The following HERC2 variants were observed in gnomAD, a reference collection of about 807,000 sequenced individuals.
HERC2 encodes the protein E3 ubiquitin-protein ligase HERC2.
A neutral mutation model predicts 537.7 loss-of-function variants in HERC2; 102 were observed. The observed-to-expected ratio is 0.19, with a 90% CI of 0.16 to 0.22. The LOEUF is 0.22. HERC2 is among the 10% of genes least tolerant of loss of function. The probability of loss-of-function intolerance (pLI) is 1.00; values close to 1 mark genes in which losing one functional copy is unlikely to be tolerated. For missense variants in HERC2, 4,236 were observed against 6,198.2 expected, an observed-to-expected ratio of 0.68 and a Z score of 10.63; for synonymous variants, 2,224 against 2,466.2, an observed-to-expected ratio of 0.90 and a Z score of 2.91.
intron 4 of HERC2, among the ~76,000 whole-genome samples, chr15:28,287,561 T>G (rs994845137): frequency 6.6e-6 from 1 of 152,122 alleles, no homozygotes; most frequent in African/African-American, 2.4e-5. Flanking sequence ...ACAACAGATT[T>G]TTAAAATCAC....
At chr15:28,222,518 ATT>A (rs1426172756) in intron 35 of HERC2, among the ~76,000 whole-genome samples, 8 of 152,370 alleles carry the variant, frequency 5.3e-5, no homozygotes, top group African/African-American at 1.9e-4. Context: ...TTAGAAAGAT[ATT>A]CATCATATTT....
chr15:28,191,223 A>G lies in HERC2; in HGVS notation c.8473T>C (p.Phe2825Leu). The change falls in exon 54 of 93, where the codon TTC becomes CTC. Residue 2825 changes from phenylalanine to leucine, a missense_variant. Physicochemically the swap from Phe to Leu is conservative, Grantham distance 22. Coordinates refer to ENST00000261609, the MANE Select transcript of HERC2 (RefSeq NM_004667.6). ...QGKHWIRLEIFPDVLVHRLKM... is the reference protein window; with the variant it reads ...QGKHWIRLEILPDVLVHRLKM... ...AATCTATGAACAAGAACATCTGGGA[A>G]AATCTCCAAACGAATCCAGTGCTTT... is the stretch of plus-strand genomic sequence containing the variant. The G allele has an allele frequency of 6.2e-7, 1 of 1,612,976 alleles. No individual in the cohort carries two copies. The highest frequency in any genetic ancestry group is 1.1e-5 in the South Asian group (1 of 90,644).
intron 65 of HERC2, among the ~76,000 whole-genome samples, chr15:28,173,827 A>G (rs1463465589): frequency 2.0e-5 from 3 of 151,082 alleles, no homozygotes; most frequent in African/African-American, 4.9e-5. Flanking sequence ...AACAACAACA[A>G]TAACAAAAAG....
In HERC2 at chr15:28,146,273, T is replaced by C. The variant is rs1053256474; in HGVS notation, c.10972A>G (p.Met3658Val). The C allele has an allele frequency of 6.2e-7, 1 of 1,614,042 alleles. No individual in the cohort carries two copies. The highest frequency in any genetic ancestry group is 1.3e-5 in the African/African-American group (1 of 74,998). ...TERRHDPLTV[M>V]DGVNRIVSVR... ...GAGACGATCCTGTTGACGCCGTCCATGACTGTGAGAGGGTCGTGGCGCCTC... is the reference window on the plus strand; with the variant it reads ...GAGACGATCCTGTTGACGCCGTCCACGACTGTGAGAGGGTCGTGGCGCCTC... Residue 3658 changes from methionine to valine, a missense_variant, in exon 71 of 93, where the codon ATG becomes GTG. This residue lies in a region of HERC2 where 356 missense variants were observed against 450.9 expected (regional missense o/e 0.79). Coordinates refer to ENST00000261609, the MANE Select transcript of HERC2 (RefSeq NM_004667.6).
At chr15:28,163,921 C>G (rs1237030144) in intron 68 of HERC2, among the ~76,000 whole-genome samples, 1 of 152,202 alleles carries the variant, frequency 6.6e-6, no homozygotes, top group African/African-American at 2.4e-5. Flanking sequence ...CAATTCCCAG[C>G]ATCACTGCAC....
At chr15:28,291,776 A>C (rs749999715) in intron 4 of HERC2, among the ~76,000 whole-genome samples, 28 of 151,974 alleles carry the variant, frequency 1.8e-4, no homozygotes, top group Non-Finnish European at 3.5e-4. Context: ...GTGGTGGTGC[A>C]CGCCTGTAGT....
intron 71 of HERC2, among the ~76,000 whole-genome samples, chr15:28,145,871 C>A (rs760929122): frequency 2.0e-5 from 3 of 152,208 alleles, no homozygotes; most frequent in Non-Finnish European, 4.4e-5. Flanking sequence ...AGTCACTCCA[C>A]ACATGGCCAT....
intron 26 of HERC2, among the ~76,000 whole-genome samples, chr15:28,234,997 G>A (rs937304725): frequency 2.0e-5 from 3 of 152,026 alleles, no homozygotes; most frequent in Admixed American, 6.6e-5. Context: ...TGTGCGTGGT[G>A]CAAGGCATGG....
At chr15:28,290,007 G>A (rs912867365) in intron 4 of HERC2, among the ~76,000 whole-genome samples, 8 of 152,238 alleles carry the variant, frequency 5.3e-5, no homozygotes, top group Non-Finnish European at 8.8e-5. Context: ...TCTCTCAGGC[G>A]GGGTTCAAAG....
chr15:28,150,451 G>A (rs1892321154), intron 70 of HERC2, among the ~76,000 whole-genome samples: 1 of 144,980 alleles, frequency 6.9e-6, no homozygotes, highest in African/African-American at 2.6e-5. Flanking sequence ...ACGGCCACAC[G>A]AACGTACATT....
intron 20 of HERC2, among the ~76,000 whole-genome samples, chr15:28,252,062 A>T (rs535482584): frequency 1.4e-4 from 22 of 152,312 alleles, no homozygotes; most frequent in Middle Eastern, 6.8e-3. Context: ...TGGCCAAGTG[A>T]TTCTAAACAT....
At chr15:28,216,192 A>G (rs549052042) in intron 38 of HERC2, among the ~76,000 whole-genome samples, 2 of 152,284 alleles carry the variant, frequency 1.3e-5, no homozygotes, top group East Asian at 3.9e-4. Context: ...TTTCTAGGCA[A>G]TAGGAAAACC....
At chr15:28,232,201 A>G (rs1686014157) in intron 30 of HERC2, among the ~76,000 whole-genome samples, 1 of 152,210 alleles carries the variant, frequency 6.6e-6, no homozygotes, top group African/African-American at 2.4e-5. Context: ...TCAGTAATCA[A>G]TACTGGTCAA....
chr15:28,273,011 T>TTCA lies in HERC2; in HGVS notation c.801-8_801-7insTGA. On this transcript the variant is annotated splice_region_variant and splice_polypyrimidine_tract_variant and intron_variant, in intron 7 of 92. Coordinates refer to ENST00000261609, the MANE Select transcript of HERC2 (RefSeq NM_004667.6). ...TGGCGTTCCGTGAACATCCCTGAAA[T>TTCA]GAAAGCAGTGGATGCAGGAACAAAG... 1 of 1,608,660 alleles carries TTCA rather than the reference T, an allele frequency of 6.2e-7. No individual in the cohort carries two copies. Among genetic ancestry groups the TTCA allele is most frequent in the Admixed American group, 1.7e-5 (1 of 60,022 alleles).
At chr15:28,178,494 T>C (rs1895509858) in intron 59 of HERC2, among the ~76,000 whole-genome samples, 1 of 152,214 alleles carries the variant, frequency 6.6e-6, no homozygotes, top group Non-Finnish European at 1.5e-5. Flanking sequence ...CCGTTCAGCA[T>C]AGGCATGAAC....
chr15:28,166,225 C>T (rs1453091509), intron 68 of HERC2, among the ~76,000 whole-genome samples: 2 of 152,168 alleles, frequency 1.3e-5, no homozygotes, highest in Non-Finnish European at 2.9e-5. Flanking sequence ...AAGAAAACTA[C>T]AGAGCCGTAT....
chr15:28,210,479 C>T (rs997546302), intron 44 of HERC2, among the ~76,000 whole-genome samples: 4 of 152,150 alleles, frequency 2.6e-5, no homozygotes, highest in African/African-American at 4.8e-5. Flanking sequence ...TGATAAAGTC[C>T]CACGGAATGA....
At chr15:28,252,282 C>T (rs1245404717) in intron 20 of HERC2, among the ~76,000 whole-genome samples, 1 of 151,950 alleles carries the variant, frequency 6.6e-6, no homozygotes, top group Non-Finnish European at 1.5e-5. Context: ...AGGCCAGTCT[C>T]GGTGCACGGG....
chr15:28,200,715 G>A (rs1425700598), intron 48 of HERC2, among the ~76,000 whole-genome samples: 4 of 151,452 alleles, frequency 2.6e-5, no homozygotes, highest in African/African-American at 4.9e-5. Context: ...ACAAGCAAGC[G>A]TTAGATATGA....
Sources: gnomAD v4.1 joint callset for allele counts (sites outside exome capture counted in the v4.1 genomes callset) on GRCh38, gnomAD v4.1.1 for gene constraint, gnomAD v4.1.1 regional missense constraint, MANE v1.5 for transcripts, NCBI Gene and HGNC (gene_info 2026-07-23, HGNC 2026-07-21) for gene names.